WWOX: variants seen among roughly 807,000 people sequenced by gnomAD.
WWOX encodes WW domain-containing oxidoreductase.
Under a neutral mutation model 46.2 loss-of-function variants are expected in WWOX, and 69 were observed. The observed-to-expected ratio is 1.49, with a 90% CI of 1.23 to 1.82. The LOEUF is 1.82. Ranked by LOEUF, WWOX falls within the 40% of genes most tolerant of loss-of-function variation. The pLI, the probability that WWOX is intolerant of heterozygous loss-of-function variation, is 0.00. For synonymous variants in WWOX, 359 were observed against 202.6 expected (o/e 1.77, Z -6.56); for missense variants, 919 against 542.6 (o/e 1.69, Z -6.89).
chr16:78,239,845 GT>G (rs1242062416), intron 5 of WWOX, among the ~76,000 whole-genome samples: 2 of 152,104 alleles, frequency 1.3e-5, no homozygotes, highest in African/African-American at 4.8e-5. Flanking sequence ...GGCTCTTCTA[GT>G]TTTTGAAGCT....
intron 8 of WWOX, among the ~76,000 whole-genome samples, chr16:78,721,179 A>C (rs1051268405): frequency 6.6e-6 from 1 of 152,222 alleles, no homozygotes; most frequent in Non-Finnish European, 1.5e-5. Flanking sequence ...GGCAAGTGCC[A>C]TAAATATATT....
intron 8 of WWOX, among the ~76,000 whole-genome samples, chr16:78,990,477 G>A (rs2046864942): frequency 6.6e-6 from 1 of 152,142 alleles, no homozygotes; most frequent in African/African-American, 2.4e-5. Flanking sequence ...CAACAGCTGT[G>A]TTACTGCAAA....
chr16:78,108,852 G>A (rs1048738749), intron 2 of WWOX, among the ~76,000 whole-genome samples: 5 of 152,186 alleles, frequency 3.3e-5, no homozygotes, highest in Admixed American at 3.3e-4. Context: ...GCTGGGCATG[G>A]TTGCATGCGC....
intron 8 of WWOX, among the ~76,000 whole-genome samples, chr16:79,187,588 G>C (rs1259319029): frequency 1.3e-5 from 2 of 152,174 alleles, no homozygotes; most frequent in Non-Finnish European, 2.9e-5. Flanking sequence ...CTGATTTTTA[G>C]TGGAGACAGG....
intron 8 of WWOX, among the ~76,000 whole-genome samples, chr16:78,559,635 T>C (rs542987362): frequency 3.3e-5 from 5 of 152,390 alleles, no homozygotes; most frequent in Admixed American, 3.3e-4. Flanking sequence ...TCATTTTTCC[T>C]GTGCATATAT....
chr16:78,722,813 G>A (rs1222384177), intron 8 of WWOX, among the ~76,000 whole-genome samples: 1 of 151,712 alleles, frequency 6.6e-6, no homozygotes, highest in Admixed American at 6.6e-5. Context: ...GGCCAAGGCA[G>A]GAGGATTGCT....
chr16:78,779,779 G>C (rs2050279671), intron 8 of WWOX, among the ~76,000 whole-genome samples: 1 of 152,222 alleles, frequency 6.6e-6, no homozygotes, highest in East Asian at 1.9e-4. Context: ...TGGCAGAGGT[G>C]GGATCTAGAC....
chr16:78,268,580 T>C (rs1279517998), intron 5 of WWOX, among the ~76,000 whole-genome samples: 1 of 152,216 alleles, frequency 6.6e-6, no homozygotes, highest in African/African-American at 2.4e-5. Context: ...CCAGGCCTGG[T>C]GGATTCTAAA....
chr16:78,287,020 G>A (rs1213248980), intron 5 of WWOX, among the ~76,000 whole-genome samples: 2 of 152,256 alleles, frequency 1.3e-5, no homozygotes, highest in African/African-American at 4.8e-5. Context: ...CTGCCCTTCT[G>A]ACTTTTTTCT....
intron 5 of WWOX, among the ~76,000 whole-genome samples, chr16:78,369,454 G>C (rs550472629): frequency 5.3e-5 from 8 of 152,266 alleles, no homozygotes; most frequent in Admixed American, 1.3e-4. Context: ...AAGAGTTTAA[G>C]AATGAAGGGG....
intron 8 of WWOX, among the ~76,000 whole-genome samples, chr16:78,862,447 T>C (rs965722762): frequency 6.6e-6 from 1 of 151,806 alleles, no homozygotes; most frequent in Non-Finnish European, 1.5e-5. Flanking sequence ...TGTATATATA[T>C]AGTATTCAAT....
rs141546063 is a variant in WWOX, at chr16:78,956,675, C to G, written c.1057-254933C>G. 2.2e-3 allele frequency among the ~76,000 whole-genome samples: 334 copies of G among 152,202 alleles called. 1 individual carries two copies. Among genetic ancestry groups the G allele is most frequent in the African/African-American group, 7.5e-3 (313 of 41,522 alleles). ...TTGCCCTAAAATACCTCTGTTTTCA[C>G]TTTTTAATCTCTTTGTGCACACATC... On this transcript the variant is annotated intron_variant, in intron 8 of 8. Transcript: ENST00000566780.
chr16:78,692,049 T>A (rs1276430702), intron 8 of WWOX, among the ~76,000 whole-genome samples: 2 of 152,208 alleles, frequency 1.3e-5, no homozygotes, highest in East Asian at 1.9e-4. Flanking sequence ...TACCACCATG[T>A]TTCTGAGGCC....
intron 5 of WWOX, among the ~76,000 whole-genome samples, chr16:78,311,204 C>T (rs1210912077): frequency 6.6e-6 from 1 of 152,102 alleles, no homozygotes; most frequent in Non-Finnish European, 1.5e-5. Context: ...GTCTAGGTGG[C>T]ACAGTGTGGT....
intron 8 of WWOX, among the ~76,000 whole-genome samples, chr16:78,878,136 CTCTTGAGCAGCCATGCCTGCT>C (rs1481256991): frequency 2.0e-5 from 3 of 152,222 alleles, no homozygotes; most frequent in Non-Finnish European, 4.4e-5. Flanking sequence ...ACTGCCCTGC[CTCTTGAGCAGCCATGCCTGCT>C]TCCGAGGTGG....
At chr16:79,079,841 A>G (rs2048727413) in intron 8 of WWOX, among the ~76,000 whole-genome samples, 1 of 152,228 alleles carries the variant, frequency 6.6e-6, no homozygotes, top group African/African-American at 2.4e-5. Flanking sequence ...TGATTACAAC[A>G]TATGCTTCTC....
chr16:78,833,748 C>G (rs963761272), intron 8 of WWOX, among the ~76,000 whole-genome samples: 1 of 152,354 alleles, frequency 6.6e-6, no homozygotes, highest in South Asian at 2.1e-4. Context: ...TATGACTACA[C>G]CCATTTTGCT....
intron 8 of WWOX, among the ~76,000 whole-genome samples, chr16:78,463,127 G>A (rs978937183): frequency 6.6e-5 from 10 of 152,192 alleles, no homozygotes; most frequent in Admixed American, 5.9e-4. Flanking sequence ...CTGTGTTACT[G>A]TAGGAGATTT....
At chr16:78,561,442 G>T (rs957121452) in intron 8 of WWOX, among the ~76,000 whole-genome samples, 5 of 152,144 alleles carry the variant, frequency 3.3e-5, no homozygotes, top group African/African-American at 1.2e-4. Context: ...CAACTGATGT[G>T]GAGTCTTAAT....
Sources: allele counts gnomAD v4.1 joint callset (sites outside exome capture counted in the v4.1 genomes callset), GRCh38; gene constraint gnomAD v4.1.1; transcripts MANE v1.5; gene names NCBI Gene and HGNC (gene_info 2026-07-23, HGNC 2026-07-21).